IL17RA: variants seen among roughly 807,000 people sequenced by gnomAD.
IL17RA encodes interleukin-17 receptor A.
IL17RA carries 34 observed loss-of-function variants against 50.4 expected under a neutral mutation model. The ratio of observed to expected loss-of-function variants is 0.67; its 90% confidence interval spans 0.51 to 0.90. The LOEUF (loss-of-function observed/expected upper bound fraction) is 0.90. Among genes scored for constraint, IL17RA ranks in the 40% least tolerant of loss-of-function variants. IL17RA has a pLI of 0.00. For synonymous variants in IL17RA, 585 were observed against 510.4 expected, an observed-to-expected ratio of 1.15 and a Z score of -1.97; for missense variants, 1,276 against 1,169.8, an observed-to-expected ratio of 1.09 and a Z score of -1.32.
chr22:17,109,836 G>A lies in IL17RA; in HGVS notation c.*16G>A. On this transcript the variant is annotated 3_prime_UTR_variant, in exon 13 of 13. Coordinates refer to ENST00000319363, the MANE Select transcript of IL17RA (RefSeq NM_014339.7). ...CAGTGCATGAGGGCGGCTCCCCAGG[G>A]ACCGCCCAGATCCCAGCTTTGAGAG... The A allele has an allele frequency of 1.3e-6, 2 of 1,547,152 alleles. No homozygotes were observed. The highest frequency in any genetic ancestry group is 1.7e-6 in the Non-Finnish European group (2 of 1,146,214).
intron 1 of IL17RA, among the ~76,000 whole-genome samples, chr22:17,089,174 C>T (rs952579056): frequency 2.0e-5 from 3 of 152,136 alleles, no homozygotes; most frequent in Admixed American, 6.5e-5. Flanking sequence ...CTGCCCACCT[C>T]GGCCTCCAAA....
At chr22:17,093,216 T>C in intron 1 of IL17RA, among the ~76,000 whole-genome samples, 1 of 152,220 alleles carries the variant, frequency 6.6e-6, no homozygotes, top group East Asian at 1.9e-4. Flanking sequence ...CTCTGTGTAG[T>C]TAAGGTTTAT....
At position 17,094,685 on chromosome 22, in the gene IL17RA, C is replaced by G. The variant is rs1337555301; in HGVS notation, c.139-2377C>G. Among the ~76,000 whole-genome samples the G allele has an allele frequency of 7.3e-3, 335 of 45,602 alleles. 24 individuals are homozygous for G. Among genetic ancestry groups the G allele is most frequent in the Non-Finnish European group, 9.9e-3 (244 of 24,702 alleles). 29.9% of individuals were successfully genotyped at this position (45,602 alleles called of 152,430 possible). A position where few individuals can be genotyped will look rare whatever the true frequency, so the allele number is the denominator to read the frequency against. On this transcript the variant is annotated intron_variant, in intron 1 of 12. Coordinates refer to ENST00000319363, the MANE Select transcript of IL17RA (RefSeq NM_014339.7). Reference sequence around the variant, plus strand: ...TCTCTCTCTCTCTCTCTCTCTCTCTCTCTCTCTATATATATATATATATAT... The same window carrying G: ...TCTCTCTCTCTCTCTCTCTCTCTCTGTCTCTCTATATATATATATATATAT...
chr22:17,103,666 AGT>A, intron 8 of IL17RA, 89 bp downstream of exon 8: 2 of 1,051,370 alleles, frequency 1.9e-6, no homozygotes, highest in Admixed American at 2.0e-5. Flanking sequence ...ACAGGTGAAG[AGT>A]GGTGTGGACG....
rs558700316 is a variant in IL17RA, at chr22:17,095,312, A to G, written c.139-1750A>G. Among the ~76,000 whole-genome samples the G allele has an allele frequency of 7.2e-5, 11 of 152,382 alleles. No individual in the cohort carries two copies. The East Asian group carries it at 2.1e-3, about 29-fold the overall frequency. ...AAAAGACTTATATGCAACCACAACT[A>G]TCAGAAACCAAGACCAAAAACAGTA... On this transcript the variant is annotated intron_variant, in intron 1 of 12. Coordinates refer to ENST00000319363, the MANE Select transcript of IL17RA (RefSeq NM_014339.7).
chr22:17,095,762 G>A (rs1374812546), intron 1 of IL17RA, among the ~76,000 whole-genome samples: 1 of 151,974 alleles, frequency 6.6e-6, no homozygotes. Flanking sequence ...CTAGTGGGGT[G>A]GTGATGCTAG....
intron 9 of IL17RA, 48 bp downstream of exon 9, chr22:17,104,858 T>C: frequency 6.4e-7 from 1 of 1,568,434 alleles, no homozygotes; most frequent in Non-Finnish European, 8.8e-7. Context: ...AACAAGTGGC[T>C]GAAGGCCCCC....
Position 17,108,987 on chromosome 22 carries a change from C to T in IL17RA, c.1768C>T (p.Leu590Phe), listed in dbSNP as rs372238432. 3.1e-6 allele frequency: 5 copies of T among 1,603,180 alleles called. No individual in the cohort carries two copies. In the Admixed American group the frequency reaches 8.4e-5, roughly 27 times the overall value. Residue 590 changes from leucine (L) to phenylalanine (F), a missense_variant, in exon 13 of 13, where the codon CTC (leucine) becomes TTC (phenylalanine). Physicochemically the swap from Leu to Phe is conservative, Grantham distance 22. Transcript: ENST00000319363. Reference sequence around the variant, plus strand: ...TCCCGACTGGTTCGAATGTGAGAACCTCTACTCAGCAGATGACCAGGATGC... The same window carrying T: ...TCCCGACTGGTTCGAATGTGAGAACTTCTACTCAGCAGATGACCAGGATGC... ...RCPDWFECEN[L>F]YSADDQDAPS...
At chr22:17,103,749 G>T (rs1336656823) in intron 8 of IL17RA, among the ~76,000 whole-genome samples, 172 bp downstream of exon 8, 7 of 145,362 alleles carry the variant, frequency 4.8e-5, no homozygotes, top group Non-Finnish European at 1.1e-4. Flanking sequence ...GGTGGAGAGT[G>T]TGGTGTGTCT....
chr22:17,109,257 G>T lies in IL17RA; in HGVS notation c.2038G>T (p.Ala680Ser), dbSNP rs181468995. ...LAAEEGALVA[A>S]VEPGPLADGA... ...CGCAGAGGAGGGGGCCCTGGTGGCC[G>T]CGGTGGAGCCTGGGCCCCTGGCTGA... is the stretch of plus-strand genomic sequence containing the variant. The change falls in exon 13 of 13, where the codon GCG (alanine) becomes TCG (serine). Residue 680 changes from alanine to serine, a missense_variant. Physicochemically the swap from Ala to Ser is moderately conservative, Grantham distance 99. Transcript: ENST00000319363. 164 of 1,496,218 alleles carry T rather than the reference G, an allele frequency of 1.1e-4. No individual in the cohort carries two copies. In the East Asian group the frequency reaches 3.9e-3, roughly 35 times the overall value. 92.7% of individuals were successfully genotyped at this position (1,496,218 alleles called of 1,614,324 possible). A position where few individuals can be genotyped will look rare whatever the true frequency, so the allele number is the denominator to read the frequency against.
chr22:17,090,265 C>T (rs1201852974), intron 1 of IL17RA, among the ~76,000 whole-genome samples: 1 of 152,196 alleles, frequency 6.6e-6, no homozygotes, highest in Non-Finnish European at 1.5e-5. Context: ...CTCAGGCAAT[C>T]CACCTGCCTC....
intron 1 of IL17RA, among the ~76,000 whole-genome samples, chr22:17,090,665 A>G (rs997413524): frequency 6.6e-6 from 1 of 152,214 alleles, no homozygotes; most frequent in Non-Finnish European, 1.5e-5. Flanking sequence ...CTTCTAATAG[A>G]TGAAAATTAC....
chr22:17,100,276 G>A, intron 4 of IL17RA, 79 bp from the exon 5 acceptor site: 1 of 1,561,854 alleles, frequency 6.4e-7, no homozygotes, highest in Admixed American at 1.7e-5. Flanking sequence ...GGAGTGGGTG[G>A]GAACGGGGGT....
rs2061447609 is a variant in IL17RA at position 17,112,500 on chromosome 22, C to T, written c.*2680C>T. 1 of 152,036 alleles carries T rather than the reference C, an allele frequency of 6.6e-6. No individual in the cohort carries two copies. Among genetic ancestry groups the T allele is most frequent in the Non-Finnish European group, 1.5e-5 (1 of 68,018 alleles). The allele number at this position is 152,036 out of a possible 1,614,324, so 9.4% of individuals were successfully genotyped here. A position where few individuals can be genotyped will look rare whatever the true frequency, so the allele number is the denominator to read the frequency against. ...TACTTTGATCTCTGTAGACTTGCCTCTTCTGGACATGACATAGAGAAAGGA... is the reference window on the plus strand; with the variant it reads ...TACTTTGATCTCTGTAGACTTGCCTTTTCTGGACATGACATAGAGAAAGGA... On this transcript the variant is annotated 3_prime_UTR_variant, in exon 13 of 13. Coordinates refer to ENST00000319363, the MANE Select transcript of IL17RA (RefSeq NM_014339.7).
rs35078252 is a variant in IL17RA at position 17,105,724 on chromosome 22, G to T, written c.943+122G>T. ...TGAACCGAGGCCAGCCCGGGGTGGG[G>T]GGTGAGACCATGGTTTGTCGTGGTG... On this transcript the variant is annotated intron_variant, in intron 10 of 12. Transcript: ENST00000319363. 1,885 of 1,385,408 alleles carry T rather than the reference G, an allele frequency of 1.4e-3. 19 individuals carry two copies. The African/African-American group carries it at 0.018, about 13-fold the overall frequency. 85.8% of individuals were successfully genotyped at this position (1,385,408 alleles called of 1,614,324 possible).
In IL17RA at chr22:17,104,790, C is replaced by T; in HGVS notation, c.911C>T (p.Pro304Leu). The change falls in exon 9 of 13, where the codon CCA (proline) becomes CTA (leucine). Residue 304 changes from proline to leucine, a missense_variant. Physicochemically the swap from Pro to Leu is moderately conservative, Grantham distance 98 (BLOSUM62 -3). Transcript: ENST00000319363. The stretch of plus-strand genomic sequence containing the variant: ...AGACACTCCGCGACTGTTTCCTGCC[C>T]AGAAATGCCAGACACTCCAGGTAGG... Reference protein sequence around the residue: ...CLRHSATVSCPEMPDTPEPIP... With the variant: ...CLRHSATVSCLEMPDTPEPIP... 3 of 1,614,106 alleles carry T rather than the reference C, an allele frequency of 1.9e-6. No individual in the cohort carries two copies. Among genetic ancestry groups the T allele is most frequent in the Non-Finnish European group, 2.5e-6 (3 of 1,179,982 alleles).
At chr22:17,087,118 A>G (rs1424353140) in intron 1 of IL17RA, among the ~76,000 whole-genome samples, 1 of 152,238 alleles carries the variant, frequency 6.6e-6, no homozygotes, top group Non-Finnish European at 1.5e-5. Flanking sequence ...AGAGATAGAC[A>G]GCTCTGGGCT....
Position 17,103,096 on chromosome 22 carries a change from T to C in IL17RA, c.763-398T>C, listed in dbSNP as rs41499253. Among the ~76,000 whole-genome samples the C allele has an allele frequency of 1.0e-3, 158 of 152,292 alleles. 1 individual carries two copies. Among genetic ancestry groups the C allele is most frequent in the Non-Finnish European group, 1.9e-3 (127 of 68,026 alleles). ...GGCAGAGGTTGTAGTGAGCTGAGAT[T>C]GTGCCACTGCACTCCAGCCTGGGTG... is the stretch of plus-strand genomic sequence containing the variant. On this transcript the variant is annotated intron_variant, in intron 7 of 12. Transcript: ENST00000319363.
chr22:17,102,266 C>G lies in IL17RA; in HGVS notation c.726C>G (p.Asn242Lys). The change falls in exon 7 of 13, where the codon AAC (asparagine) becomes AAG (lysine). Residue 242 changes from asparagine to lysine, a missense_variant. By Grantham distance (94) the Asn-to-Lys change is moderately conservative. Coordinates refer to ENST00000319363, the MANE Select transcript of IL17RA (RefSeq NM_014339.7). ...ILLTSFPHME[N>K]HSCFEHMHHI... ...TGACCAGTTTTCCGCACATGGAGAA[C>G]CACAGTTGCTTTGAGCACATGCACC... 1.9e-6 allele frequency: 3 copies of G among 1,614,176 alleles called. No homozygotes were observed. The highest frequency in any genetic ancestry group is 2.5e-6 in the Non-Finnish European group (3 of 1,180,038).
Sources: gnomAD v4.1 joint callset for allele counts (sites outside exome capture counted in the v4.1 genomes callset) on GRCh38, gnomAD v4.1.1 for gene constraint, MANE v1.5 for transcripts, NCBI Gene and HGNC (gene_info 2026-07-23, HGNC 2026-07-21) for gene names.